CASD1: variants seen among roughly 807,000 people sequenced by gnomAD.
CASD1 encodes CAS1 domain sialic acid O acetyltransferase 1, also known as N-acetylneuraminate (7)9-O-acetyltransferase.
A neutral mutation model predicts 100.0 loss-of-function variants in CASD1; 41 were observed. The observed-to-expected ratio is 0.41, with a 90% CI of 0.32 to 0.53. The LOEUF (loss-of-function observed/expected upper bound fraction) is 0.53, where lower values mean the gene tolerates loss of function less well. CASD1 is among the 20% of genes least tolerant of loss of function. The pLI is 0.25. For synonymous variants in CASD1, 321 were observed against 315.6 expected (o/e 1.02, Z -0.18); for missense variants, 774 against 948.7 (o/e 0.82, Z 2.42).
the CASD1 span, among the ~76,000 whole-genome samples, chr7:94,614,916 G>A: frequency 4.2e-3 from 637 of 152,210 alleles, 1 homozygote; most frequent in African/African-American, 0.015. Context: ...TAAACATATA[G>A]TTGCATTGAC....
At chr7:94,545,471 C>T (rs1795629245) in intron 11 of CASD1, 74 bp from the exon 12 acceptor site, 6 of 1,109,278 alleles carry the variant, frequency 5.4e-6, no homozygotes, top group Non-Finnish European at 8.0e-6. Flanking sequence ...AGAAAATCTG[C>T]CTTTGCTGTT....
At chr7:94,622,162 G>A in the CASD1 span, 1 of 152,078 alleles carries the variant, frequency 6.6e-6, no homozygotes, top group African/African-American at 2.4e-5. Context: ...TAAAATGTTT[G>A]GTGTTTGCTC....
chr7:94,598,887 C>G, the CASD1 span: 9 of 1,613,428 alleles, frequency 5.6e-6, no homozygotes, highest in Non-Finnish European at 5.9e-6. Flanking sequence ...AGGGGCCATG[C>G]TATCTCTCTA....
At chr7:94,598,631 G>T in the CASD1 span, 1 of 718,490 alleles carries the variant, frequency 1.4e-6, no homozygotes, top group Non-Finnish European at 2.5e-6. Flanking sequence ...AGGAGAGTAG[G>T]GGTGAGATTT....
At chr7:94,545,417 C>A in intron 11 of CASD1, 128 bp from the exon 12 acceptor site, 1 of 602,510 alleles carries the variant, frequency 1.7e-6, no homozygotes, top group Non-Finnish European at 2.9e-6. Flanking sequence ...GTAATATATA[C>A]TTGTACAGTC....
At chr7:94,543,382 A>G (rs1217791692) in intron 10 of CASD1, among the ~76,000 whole-genome samples, 1 of 152,152 alleles carries the variant, frequency 6.6e-6, no homozygotes, top group Non-Finnish European at 1.5e-5. Context: ...GGACAGGCGC[A>G]GTGGCTCATG....
At chr7:94,603,481 C>G in the CASD1 span, 1 of 1,606,652 alleles carries the variant, frequency 6.2e-7, no homozygotes, top group Non-Finnish European at 8.5e-7. Flanking sequence ...CTCAGGTTAT[C>G]CTTTAAGAAA....
At chr7:94,571,883 A>T in the CASD1 span, among the ~76,000 whole-genome samples, 4 of 145,806 alleles carry the variant, frequency 2.7e-5, no homozygotes, top group African/African-American at 1.0e-4. Flanking sequence ...AAAAAAAAAA[A>T]ATGGTCAGAA....
chr7:94,582,082 T>C, the CASD1 span, among the ~76,000 whole-genome samples: 1 of 152,200 alleles, frequency 6.6e-6, no homozygotes, highest in South Asian at 2.1e-4. Flanking sequence ...CTGACTGGTG[T>C]GAGATGGTAT....
the CASD1 span, chr7:94,597,758 C>T: frequency 2.0e-5 from 3 of 152,158 alleles, no homozygotes; most frequent in Non-Finnish European, 4.4e-5. Flanking sequence ...CCTGTAATCC[C>T]AGTACTTTGG....
At chr7:94,614,106 TC>T in the CASD1 span, among the ~76,000 whole-genome samples, 7,306 of 55,184 alleles carry the variant, frequency 0.13, 229 homozygotes, top group Non-Finnish European at 0.16. Context: ...CAAATTGAAA[TC>T]AAAAAAAAAA....
chr7:94,583,799 A>G, the CASD1 span, among the ~76,000 whole-genome samples: 21 of 152,180 alleles, frequency 1.4e-4, 1 homozygote, highest in Admixed American at 1.3e-3. Flanking sequence ...TTTGCCCACT[A>G]GGAGAGTACA....
At chr7:94,547,517 G>C (rs1400411716) in intron 13 of CASD1, among the ~76,000 whole-genome samples, 3 of 151,876 alleles carry the variant, frequency 2.0e-5, no homozygotes, top group Admixed American at 2.0e-4. Context: ...CAGCTAGTTT[G>C]TGTATTATTC....
chr7:94,623,410 G>A, the CASD1 span: 1 of 1,547,686 alleles, frequency 6.5e-7, no homozygotes, highest in Non-Finnish European at 8.9e-7. Flanking sequence ...ATTATAAAAG[G>A]AAAACCATAT....
intron 17 of CASD1, among the ~76,000 whole-genome samples, chr7:94,555,227 T>C (rs1485949184): frequency 6.6e-6 from 1 of 152,102 alleles, no homozygotes; most frequent in African/African-American, 2.4e-5. Context: ...TCTCTTAAAA[T>C]AGGGAAAATA....
chr7:94,511,571 A>G (rs905525376), intron 1 of CASD1, among the ~76,000 whole-genome samples: 2 of 152,222 alleles, frequency 1.3e-5, no homozygotes, highest in African/African-American at 4.8e-5. Flanking sequence ...ACAATCATGT[A>G]AAACTAGCAA....
chr7:94,537,658 T>TG lies in CASD1; in HGVS notation c.1031dup (p.Cys344TrpfsTer3), dbSNP rs772638392. 4.3e-6 allele frequency: 7 copies of TG among 1,613,760 alleles called. No homozygotes were observed. Among genetic ancestry groups the TG allele is most frequent in the Non-Finnish European group, 4.2e-6 (5 of 1,179,852 alleles). On this transcript the variant is annotated frameshift_variant, in exon 9 of 18. Transcript: ENST00000297273. LOFTEE classifies it high-confidence loss of function. The stretch of plus-strand genomic sequence containing the variant: ...TAATGCTCATCGGAAGAATAAGCCG[T>TG]GTACTGATTTGGAAAGTGGAGAGGA...
At chr7:94,540,019 T>TC (rs1350943548) in intron 10 of CASD1, among the ~76,000 whole-genome samples, 1 of 152,118 alleles carries the variant, frequency 6.6e-6, no homozygotes, top group South Asian at 2.1e-4. Flanking sequence ...ATAAGTTTTT[T>TC]CCTTCTCCAT....
chr7:94,555,552 A>G lies in CASD1; in HGVS notation c.2188A>G (p.Ile730Val), dbSNP rs1562952159. 1 of 1,613,398 alleles carries G rather than the reference A, an allele frequency of 6.2e-7. No individual in the cohort carries two copies. Among genetic ancestry groups the G allele is most frequent in the South Asian group, 1.1e-5 (1 of 91,066 alleles). The change falls in exon 18 of 18, where the codon ATA becomes GTA. Residue 730 changes from isoleucine to valine, a missense_variant. Around this residue, in one of 5 missense-constraint regions of CASD1, gnomAD observed 175 missense variants for 206.9 expected, o/e 0.85. Coordinates refer to ENST00000297273, the MANE Select transcript of CASD1 (RefSeq NM_022900.5). ...AADTRGILVLIPGNPMLNIIV... is the reference protein window; with the variant it reads ...AADTRGILVLVPGNPMLNIIV... ...GGACACAAGGGGTATCTTGGTACTG[A>G]TACCTGGAAACCCTATGCTCAACAT...
Sources: allele counts gnomAD v4.1 joint callset (sites outside exome capture counted in the v4.1 genomes callset), GRCh38; gene constraint gnomAD v4.1.1; regional missense constraint gnomAD v4.1.1; transcripts MANE v1.5; gene names NCBI Gene and HGNC (gene_info 2026-07-23, HGNC 2026-07-21).